PRPSAP1: variants seen among roughly 807,000 people sequenced by gnomAD.
The protein encoded by PRPSAP1 is phosphoribosyl pyrophosphate synthase-associated protein 1.
A neutral mutation model predicts 39.4 loss-of-function variants in PRPSAP1; 31 were observed. The ratio of observed to expected loss-of-function variants is 0.79; its 90% CI spans 0.59 to 1.06. The LOEUF (loss-of-function observed/expected upper bound fraction) is 1.06. PRPSAP1 is among the 50% of genes least tolerant of loss of function. The pLI is 0.00. For synonymous variants in PRPSAP1, 212 were observed against 192.6 expected (o/e 1.10, Z -0.83); for missense variants, 430 against 511.6 (o/e 0.84, Z 1.54).
chr17:76,318,098 C>T (rs1475418209), intron 7 of PRPSAP1, among the ~76,000 whole-genome samples: 1 of 152,172 alleles, frequency 6.6e-6, no homozygotes, highest in Non-Finnish European at 1.5e-5. Context: ...CATCTCCAGA[C>T]ATTGCCAAAT....
At chr17:76,329,059 T>C in intron 6 of PRPSAP1, 197 bp from the exon 7 acceptor site, 4 of 593,918 alleles carry the variant, frequency 6.7e-6, no homozygotes, top group South Asian at 3.0e-5. Flanking sequence ...TTTGGGATTG[T>C]ATCTGATTCT....
At chr17:76,328,347 T>G (rs1210735992) in intron 7 of PRPSAP1, among the ~76,000 whole-genome samples, 1 of 152,176 alleles carries the variant, frequency 6.6e-6, no homozygotes, top group Admixed American at 6.5e-5. Flanking sequence ...ATCCCAGCAC[T>G]CTGGGAGGCT....
chr17:76,329,074 ATT>A (rs147960025), intron 6 of PRPSAP1: 5,948 of 354,774 alleles, frequency 0.017, no homozygotes, highest in South Asian at 0.025. Context: ...GATTCTAGAC[ATT>A]TTTTTTTTTT....
intron 2 of PRPSAP1, among the ~76,000 whole-genome samples, chr17:76,345,135 T>C (rs1291467513): frequency 6.8e-6 from 1 of 147,574 alleles, no homozygotes; most frequent in African/African-American, 2.5e-5. Flanking sequence ...CTCGGGAGGC[T>C]GAGGCAGGAG....
At chr17:76,314,217 T>C (rs2071097885) in intron 7 of PRPSAP1, 1 of 290,964 alleles carries the variant, frequency 3.4e-6, no homozygotes, top group Non-Finnish European at 6.7e-6. Flanking sequence ...TGTATGTATG[T>C]ATGTATGTAT....
intron 1 of PRPSAP1, 165 bp downstream of exon 1, chr17:76,353,369 C>CG (rs2071601014): frequency 7.5e-6 from 5 of 664,884 alleles, no homozygotes; most frequent in East Asian, 3.5e-5. Context: ...AACCGGGGAG[C>CG]GGGGGGCGGT....
chr17:76,336,732 C>CAAAAAAAAAAAAAAAA (rs57399038), intron 3 of PRPSAP1, among the ~76,000 whole-genome samples: 1 of 63,344 alleles, frequency 1.6e-5, no homozygotes. Flanking sequence ...AACTCCATCT[C>CAAAAAAAAAAAAAAAA]AAAAAAAAAA....
intron 3 of PRPSAP1, among the ~76,000 whole-genome samples, chr17:76,343,530 C>CT (rs2071462653): frequency 6.6e-6 from 1 of 152,202 alleles, no homozygotes; most frequent in African/African-American, 2.4e-5. Context: ...TGGGAAAACC[C>CT]TTTGTCCTTG....
chr17:76,353,604 G>C lies in PRPSAP1; in HGVS notation c.100C>G (p.Arg34Gly). 6.4e-7 allele frequency: 1 copy of C among 1,558,982 alleles called. No individual in the cohort carries two copies. Residue 34 changes from arginine (R) to glycine (G), a missense_variant, in exon 1 of 10, where the codon CGC (arginine) becomes GGC (glycine). Physicochemically the swap from Arg to Gly is moderately radical, Grantham distance 125. Coordinates refer to ENST00000446526, the MANE Select transcript of PRPSAP1 (RefSeq NM_002766.3). ...PVPPPAMNAA[R>G]TGYRVFSANS... is the part of the protein sequence containing the mutation. ...GCCGAGAAGACTCGGTAGCCGGTGCGAGCGGCGTTCATGGCCGGCGGGGGA... is the reference window on the plus strand; with the variant it reads ...GCCGAGAAGACTCGGTAGCCGGTGCCAGCGGCGTTCATGGCCGGCGGGGGA...
intron 3 of PRPSAP1, among the ~76,000 whole-genome samples, chr17:76,335,277 A>G (rs1306791163): frequency 6.6e-6 from 1 of 151,272 alleles, no homozygotes; most frequent in South Asian, 2.1e-4. Context: ...CCAGAACCCA[A>G]TATCCACAAT....
intron 7 of PRPSAP1, among the ~76,000 whole-genome samples, chr17:76,326,896 G>C (rs900483995): frequency 6.6e-6 from 1 of 151,670 alleles, no homozygotes; most frequent in African/African-American, 2.4e-5. Flanking sequence ...AGGAATGAAG[G>C]GACATTACGT....
At chr17:76,336,461 G>A (rs1189273715) in intron 3 of PRPSAP1, among the ~76,000 whole-genome samples, 2 of 146,562 alleles carry the variant, frequency 1.4e-5, no homozygotes, top group South Asian at 4.3e-4. Context: ...GGCCAGGCAC[G>A]GTGGCTCACA....
In PRPSAP1 at chr17:76,332,454, G is replaced by A. The variant is rs2071332687; in HGVS notation, c.291-19C>T. On this transcript the variant is annotated intron_variant, in intron 3 of 9. Transcript: ENST00000446526. ...CACATCTCTGAAACAGTCAAAGTTT[G>A]TATTTGGGGATTAATTCCATGTATC... The A allele has an allele frequency of 6.2e-7, 1 of 1,612,254 alleles. No homozygotes were observed. The highest frequency in any genetic ancestry group is 1.3e-5 in the African/African-American group (1 of 74,876).
At chr17:76,331,721 C>T (rs1396703497) in intron 4 of PRPSAP1, among the ~76,000 whole-genome samples, 3 of 152,002 alleles carry the variant, frequency 2.0e-5, no homozygotes, top group Non-Finnish European at 2.9e-5. Flanking sequence ...CCCAAATATA[C>T]GTTAAAGTTT....
At chr17:76,329,912 C>T (rs911194827) in intron 6 of PRPSAP1, 131 bp downstream of exon 6, 24 of 767,608 alleles carry the variant, frequency 3.1e-5, no homozygotes, top group Admixed American at 1.1e-4. Flanking sequence ...GACATGACAA[C>T]GATGGAGGGG....
chr17:76,332,498 G>C, intron 3 of PRPSAP1, 63 bp from the exon 4 acceptor site: 1 of 1,575,568 alleles, frequency 6.3e-7, no homozygotes, highest in Admixed American at 1.7e-5. Flanking sequence ...AAAAGATCTT[G>C]ACTTTATCAA....
intron 3 of PRPSAP1, among the ~76,000 whole-genome samples, chr17:76,338,022 T>C (rs1225168366): frequency 6.6e-6 from 1 of 152,188 alleles, no homozygotes; most frequent in Non-Finnish European, 1.5e-5. Context: ...CTTAGTTCCA[T>C]TGCTTGGTAT....
At chr17:76,345,237 T>TTAAAAAAA (rs1229631533) in intron 2 of PRPSAP1, among the ~76,000 whole-genome samples, 50 of 62,200 alleles carry the variant, frequency 8.0e-4, no homozygotes, top group Middle Eastern at 0.019. Flanking sequence ...TCCGTCTCAT[T>TTAAAAAAA]AAAAAAAAAA....
At position 76,326,784 on chromosome 17, in the gene PRPSAP1, T is replaced by C. The variant is rs191213231; in HGVS notation, c.781+1933A>G. Among the ~76,000 whole-genome samples the C allele has an allele frequency of 2.0e-5, 3 of 152,354 alleles. No individual in the cohort carries two copies. The East Asian group carries it at 5.8e-4, about 29-fold the overall frequency. On this transcript the variant is annotated intron_variant, in intron 7 of 9. Coordinates refer to ENST00000446526, the MANE Select transcript of PRPSAP1 (RefSeq NM_002766.3). ...CCACTGGTGAAACCTGAGTAAGGTC[T>C]GTAGATTACAGTGTTACAGCAATGT... is the stretch of plus-strand genomic sequence containing the variant.
Sources: gnomAD v4.1 joint callset for allele counts (sites outside exome capture counted in the v4.1 genomes callset) on GRCh38, gnomAD v4.1.1 for gene constraint, MANE v1.5 for transcripts, NCBI Gene and HGNC (gene_info 2026-07-23, HGNC 2026-07-21) for gene names.